The following FAAH2 variants were observed in gnomAD, a reference collection of about 807,000 sequenced individuals.
FAAH2 encodes the protein fatty acid amide hydrolase 2.
In FAAH2, 60 loss-of-function variants were observed where a neutral mutation model predicts 36.9. The ratio of observed to expected loss-of-function variants is 1.63; its 90% confidence interval spans 1.32 to 2.02. The LOEUF is 2.02. FAAH2 is among the 30% of genes most tolerant of loss of function. The pLI, the probability that FAAH2 is intolerant of heterozygous loss-of-function variation, is 0.00. For synonymous variants in FAAH2, 214 were observed against 143.8 expected, an observed-to-expected ratio of 1.49 and a Z score of -3.49; for missense variants, 689 against 397.5, an observed-to-expected ratio of 1.73 and a Z score of -6.23.
chrX:57,474,275 G>T (rs193147275), intron 10 of FAAH2, among the ~76,000 whole-genome samples: 2 of 111,050 alleles, frequency 1.8e-5, no homozygotes, highest in Non-Finnish European at 3.8e-5. Flanking sequence ...ATGTGCCATG[G>T]TGGTTTCCTG....
the FAAH2 span, among the ~76,000 whole-genome samples, chrX:57,252,520 T>C: frequency 8.9e-6 from 1 of 111,743 alleles, no homozygotes; most frequent in African/African-American, 3.3e-5. Context: ...AGGACATCTC[T>C]GGCTGGCATC....
rs191755153 is a variant in FAAH2 at position 57,305,552 on chromosome X, C to A, written c.276-5041C>A. ...GTTTCTAGTTTTGCTCTCCCTTCCCCATACTTTTTATTTTGCAAAAGCCAA... is the reference window on the plus strand; with the variant it reads ...GTTTCTAGTTTTGCTCTCCCTTCCCAATACTTTTTATTTTGCAAAAGCCAA... On this transcript the variant is annotated intron_variant, in intron 2 of 10. Coordinates refer to ENST00000374900, the MANE Select transcript of FAAH2 (RefSeq NM_174912.4). Among the ~76,000 whole-genome samples, 61 of 111,428 alleles carry A rather than the reference C, an allele frequency of 5.5e-4. No homozygotes were observed. The East Asian group carries it at 0.016, about 30-fold the overall frequency.
the FAAH2 span, among the ~76,000 whole-genome samples, chrX:57,185,510 G>GTGTGTA: frequency 9.2e-6 from 1 of 109,238 alleles, no homozygotes; most frequent in African/African-American, 3.3e-5. Context: ...GTGTGTGTGT[G>GTGTGTA]TGTGTGTGTG....
the FAAH2 span, among the ~76,000 whole-genome samples, chrX:57,202,138 C>T: frequency 0.34 from 37,601 of 110,975 alleles, 5,197 homozygotes; most frequent in Middle Eastern, 0.6. Context: ...ATTGGTTCCT[C>T]GTGCCTTATT....
the FAAH2 span, among the ~76,000 whole-genome samples, chrX:57,130,886 C>A: frequency 8.9e-6 from 1 of 111,966 alleles, no homozygotes; most frequent in African/African-American, 3.2e-5. Flanking sequence ...GCAAATTATT[C>A]TCAGGTATAT....
At chrX:57,305,392 A>G (rs960604512) in intron 2 of FAAH2, among the ~76,000 whole-genome samples, 26 of 111,354 alleles carry the variant, frequency 2.3e-4, no homozygotes, top group African/African-American at 8.5e-4. Flanking sequence ...TAACCTTCTA[A>G]TATTTTATAA....
chrX:57,334,305 G>A (rs1387411713), intron 4 of FAAH2, among the ~76,000 whole-genome samples: 10 of 19,811 alleles, frequency 5.0e-4, no homozygotes, highest in African/African-American at 8.8e-4. Context: ...CACAAAGATG[G>A]GAGTCAAATA....
chrX:57,389,293 C>CACAT (rs1555994038), intron 7 of FAAH2, among the ~76,000 whole-genome samples: 24 of 94,617 alleles, frequency 2.5e-4, no homozygotes, highest in African/African-American at 3.4e-4. Flanking sequence ...CACACACACA[C>CACAT]ATATATATAT....
chrX:57,401,186 TG>T (rs2055426179), intron 7 of FAAH2, among the ~76,000 whole-genome samples: 1 of 111,754 alleles, frequency 8.9e-6, no homozygotes, highest in Non-Finnish European at 1.9e-5. Context: ...ACAAGGTTTC[TG>T]AACGGGCAGC....
chrX:57,369,371 A>G, intron 5 of FAAH2, among the ~76,000 whole-genome samples: 1 of 111,127 alleles, frequency 9.0e-6, no homozygotes, highest in Non-Finnish European at 1.9e-5. Flanking sequence ...ATCCAGATCC[A>G]TGAAGCTCAA....
the FAAH2 span, among the ~76,000 whole-genome samples, chrX:57,179,310 T>C: frequency 2.7e-5 from 3 of 111,811 alleles, no homozygotes; most frequent in African/African-American, 9.8e-5. Flanking sequence ...ATGCCTCAAT[T>C]AAAAGGCACA....
At chrX:57,170,041 G>A in the FAAH2 span, among the ~76,000 whole-genome samples, 2 of 111,415 alleles carry the variant, frequency 1.8e-5, no homozygotes, top group Non-Finnish European at 3.8e-5. Context: ...CACAATCACG[G>A]CACACTGCAG....
rs374043861 is a variant in FAAH2, at chrX:57,334,916, C to A, written c.622+3109C>A. ...AATTATAGTGGGAGAACTTAACACCCCACTGAAAATATCAGACAGATCATT... is the reference window on the plus strand; with the variant it reads ...AATTATAGTGGGAGAACTTAACACCACACTGAAAATATCAGACAGATCATT... On this transcript the variant is annotated intron_variant, in intron 4 of 10. Transcript: ENST00000374900. Among the ~76,000 whole-genome samples the A allele has an allele frequency of 2.7e-5, 3 of 111,293 alleles. No homozygotes were observed. In the East Asian group the frequency reaches 8.5e-4, roughly 32 times the overall value.
chrX:57,395,728 G>A (rs1049792042), intron 7 of FAAH2, among the ~76,000 whole-genome samples: 1 of 111,704 alleles, frequency 9.0e-6, no homozygotes, highest in South Asian at 3.7e-4. Context: ...CACATGGCTT[G>A]ATGTACTGTT....
At chrX:57,162,990 T>C in the FAAH2 span, among the ~76,000 whole-genome samples, 58 of 112,084 alleles carry the variant, frequency 5.2e-4, no homozygotes, top group African/African-American at 1.8e-3. Flanking sequence ...ATCTTTGTGG[T>C]TTTATCTACT....
At chrX:57,270,381 TCCTGATAGCAAAA>T in the FAAH2 span, among the ~76,000 whole-genome samples, 5 of 111,795 alleles carry the variant, frequency 4.5e-5, no homozygotes, top group African/African-American at 1.6e-4. Flanking sequence ...GTCAGCATCA[TCCTGATAGCAAAA>T]CCTGGCAGCA....
chrX:57,216,904 G>A, the FAAH2 span, among the ~76,000 whole-genome samples: 1 of 108,070 alleles, frequency 9.3e-6, no homozygotes, highest in African/African-American at 3.3e-5. Flanking sequence ...TGTAGAAGAA[G>A]TGTTCCCTGA....
At chrX:57,374,564 C>G (rs1021009122) in intron 5 of FAAH2, among the ~76,000 whole-genome samples, 18 of 111,860 alleles carry the variant, frequency 1.6e-4, no homozygotes, top group African/African-American at 5.9e-4. Flanking sequence ...ATTTCGTATC[C>G]TGAAACTTTG....
the FAAH2 span, among the ~76,000 whole-genome samples, chrX:57,183,494 G>A: frequency 8.9e-6 from 1 of 111,859 alleles, no homozygotes; most frequent in African/African-American, 3.2e-5. Context: ...CGGGAAGTCA[G>A]GGATCTCAAA....
Sources: allele counts gnomAD v4.1 joint callset (sites outside exome capture counted in the v4.1 genomes callset), GRCh38; gene constraint gnomAD v4.1.1; transcripts MANE v1.5; gene names NCBI Gene and HGNC (gene_info 2026-07-23, HGNC 2026-07-21).